The following SEMA5B variants were observed in gnomAD, a reference collection of about 807,000 sequenced individuals.
SEMA5B encodes semaphorin 5B, also known as semaphorin-5B.
In SEMA5B, 66 loss-of-function variants were observed where a neutral mutation model predicts 135.0. The ratio of observed to expected loss-of-function variants is 0.49; its 90% confidence interval spans 0.40 to 0.60. The LOEUF is 0.60. SEMA5B is among the 20% of genes least tolerant of loss of function. The pLI is 0.00. For synonymous variants in SEMA5B, 690 were observed against 639.5 expected (o/e 1.08, Z -1.19); for missense variants, 1,501 against 1,566.3 (o/e 0.96, Z 0.70).
intron 1 of SEMA5B, among the ~76,000 whole-genome samples, chr3:122,974,782 T>A (rs1207692761): frequency 6.6e-6 from 1 of 152,220 alleles, no homozygotes; most frequent in African/African-American, 2.4e-5. Flanking sequence ...CAGTGCTTAA[T>A]GAATGTCTCT....
chr3:122,915,977 T>G (rs1201536545), intron 12 of SEMA5B, 87 bp from the exon 13 acceptor site: 23 of 927,858 alleles, frequency 2.5e-5, no homozygotes, highest in Non-Finnish European at 5.3e-6. Context: ...CTCCCCTCTG[T>G]GCACCACTTT....
chr3:122,966,607 T>A (rs1157212969), intron 1 of SEMA5B, among the ~76,000 whole-genome samples: 2 of 150,026 alleles, frequency 1.3e-5, no homozygotes, highest in Non-Finnish European at 3.0e-5. Flanking sequence ...CAGGCTGGAG[T>A]GCAGTGGCGT....
chr3:122,966,709 C>T (rs1401925453), intron 1 of SEMA5B, among the ~76,000 whole-genome samples: 8 of 150,546 alleles, frequency 5.3e-5, no homozygotes, highest in South Asian at 4.2e-4. Flanking sequence ...CCCCCGCCAC[C>T]GCGCCCAGCT....
chr3:122,948,419 C>A (rs373060277), intron 3 of SEMA5B, 87 bp downstream of exon 3: 18 of 1,180,174 alleles, frequency 1.5e-5, no homozygotes, highest in Non-Finnish European at 1.9e-5. Context: ...GGACATCCAA[C>A]AGCCAGAAAC....
At chr3:122,915,917 A>C (rs1443280568) in intron 12 of SEMA5B, 27 bp from the exon 13 acceptor site, 3 of 1,587,794 alleles carry the variant, frequency 1.9e-6, no homozygotes. Context: ...CTGAGATTCA[A>C]GCCCACTGGC....
chr3:122,973,118 T>C (rs1271313639), intron 1 of SEMA5B, among the ~76,000 whole-genome samples: 1 of 152,146 alleles, frequency 6.6e-6, no homozygotes, highest in Non-Finnish European at 1.5e-5. Context: ...GAAAAATCAC[T>C]CATAATACTC....
intron 1 of SEMA5B, among the ~76,000 whole-genome samples, chr3:122,984,807 T>C (rs940436703): frequency 2.0e-5 from 3 of 152,216 alleles, no homozygotes; most frequent in Non-Finnish European, 4.4e-5. Context: ...GGAAATTAGA[T>C]TTTATTCTAA....
intron 1 of SEMA5B, among the ~76,000 whole-genome samples, chr3:123,011,584 T>C (rs953919230): frequency 3.9e-5 from 6 of 152,166 alleles, no homozygotes; most frequent in African/African-American, 1.4e-4. Context: ...CTCTGTGAAA[T>C]GAAGCCCTGC....
intron 12 of SEMA5B, 94 bp downstream of exon 12, chr3:122,921,821 A>C (rs1938358403): frequency 1.9e-6 from 2 of 1,058,780 alleles, no homozygotes; most frequent in South Asian, 1.6e-5. Flanking sequence ...TGGAGACTGC[A>C]GGGACCGACC....
Position 123,022,642 on chromosome 3 carries a change from C to T in SEMA5B, c.-39+4822G>A, listed in dbSNP as rs141052543. On this transcript the variant is annotated intron_variant, in intron 1 of 22. Transcript: ENST00000357599. ...CTCCTTCTGCTTTCTCTCCTGTGCCCAGCAGCAAATTGGACAGAAAACCAT... is the reference window on the plus strand; with the variant it reads ...CTCCTTCTGCTTTCTCTCCTGTGCCTAGCAGCAAATTGGACAGAAAACCAT... 5.9e-3 allele frequency among the ~76,000 whole-genome samples: 904 copies of T among 152,326 alleles called. 5 individuals carry two copies. Among genetic ancestry groups the T allele is most frequent in the Non-Finnish European group, 9.6e-3 (655 of 68,032 alleles).
intron 1 of SEMA5B, among the ~76,000 whole-genome samples, chr3:123,025,722 C>T (rs1942782264): frequency 6.6e-6 from 1 of 152,224 alleles, no homozygotes; most frequent in Admixed American, 6.5e-5. Context: ...GGCAGCCCTG[C>T]CCCGAGTGGT....
intron 1 of SEMA5B, among the ~76,000 whole-genome samples, chr3:123,007,091 G>A (rs144804733): frequency 7.9e-5 from 12 of 152,280 alleles, no homozygotes; most frequent in African/African-American, 2.9e-4. Context: ...TGCCCTCTGA[G>A]CATGGGGCAA....
intron 1 of SEMA5B, among the ~76,000 whole-genome samples, chr3:122,997,639 G>A (rs973081043): frequency 6.6e-6 from 1 of 152,182 alleles, no homozygotes; most frequent in Non-Finnish European, 1.5e-5. Flanking sequence ...CCAGACAAAT[G>A]CTTGCTCCCT....
Position 122,913,747 on chromosome 3 carries a change from G to T in SEMA5B, c.2133-66C>A, listed in dbSNP as rs1409469675. 5.0e-6 allele frequency: 8 copies of T among 1,591,674 alleles called. No homozygotes were observed. The East Asian group carries it at 1.8e-4, about 36-fold the overall frequency. ...CCCTTCCCTGACGAGAGGTCCCTGGGAGTGCAAGACCGGAAAGGACGAGAG... is the reference window on the plus strand; with the variant it reads ...CCCTTCCCTGACGAGAGGTCCCTGGTAGTGCAAGACCGGAAAGGACGAGAG... On this transcript the variant is annotated intron_variant, in intron 15 of 22. Coordinates refer to ENST00000357599, the MANE Select transcript of SEMA5B (RefSeq NM_001031702.4).
At chr3:122,968,498 C>G (rs1940969581) in intron 1 of SEMA5B, among the ~76,000 whole-genome samples, 1 of 152,150 alleles carries the variant, frequency 6.6e-6, no homozygotes. Context: ...GGTGCTGTGC[C>G]TCTTAGATTG....
intron 12 of SEMA5B, among the ~76,000 whole-genome samples, chr3:122,921,440 C>T (rs1938342548): frequency 1.3e-5 from 2 of 152,174 alleles, no homozygotes; most frequent in African/African-American, 4.8e-5. Context: ...CTGCAGCAGC[C>T]CTCTCTACCT....
At chr3:122,949,148 A>G (rs1162749532) in intron 2 of SEMA5B, among the ~76,000 whole-genome samples, 13 of 152,190 alleles carry the variant, frequency 8.5e-5, no homozygotes. Context: ...TACTAGAAGA[A>G]AATTCAGGCA....
chr3:123,025,766 C>T (rs1942783401), intron 1 of SEMA5B, among the ~76,000 whole-genome samples: 1 of 152,232 alleles, frequency 6.6e-6, no homozygotes, highest in South Asian at 2.1e-4. Context: ...GAACAGTTCT[C>T]ACCGCCCCAT....
intron 1 of SEMA5B, among the ~76,000 whole-genome samples, chr3:122,980,649 T>C (rs560043772): frequency 1.2e-4 from 18 of 152,318 alleles, no homozygotes; most frequent in Admixed American, 5.2e-4. Flanking sequence ...ATTATTTTTA[T>C]TGTGGTGAAG....
Sources: gnomAD v4.1 joint callset for allele counts (sites outside exome capture counted in the v4.1 genomes callset) on GRCh38, gnomAD v4.1.1 for gene constraint, MANE v1.5 for transcripts, NCBI Gene and HGNC (gene_info 2026-07-23, HGNC 2026-07-21) for gene names.